The following MEPE variants were observed in gnomAD, a reference collection of about 807,000 sequenced individuals.
MEPE encodes matrix, extracellular phosphoglycoprotein with ASARM motif (bone).
In MEPE, 7 loss-of-function variants were observed where a neutral mutation model predicts 7.3. The ratio of observed to expected loss-of-function variants is 0.95; its 90% CI spans 0.54 to 1.79. The LOEUF (loss-of-function observed/expected upper bound fraction) is 1.79, where lower values mean the gene tolerates loss of function less well. MEPE is among the 40% of genes most tolerant of loss of function. The pLI is 0.00. For missense variants in MEPE, 623 were observed against 628.2 expected, an observed-to-expected ratio of 0.99 and a Z score of 0.09; for synonymous variants, 214 against 213.1, an observed-to-expected ratio of 1.00 and a Z score of -0.04.
chr4:87,825,930 G>A (rs994083087), intron 1 of MEPE, among the ~76,000 whole-genome samples: 6 of 152,086 alleles, frequency 3.9e-5, no homozygotes, highest in Non-Finnish European at 7.3e-5. Context: ...AAGTGAGAAC[G>A]TGCAGTATTT....
upstream of MEPE, among the ~76,000 whole-genome samples, chr4:87,828,949 G>A (rs150031890): frequency 1.3e-5 from 2 of 152,224 alleles, no homozygotes; most frequent in African/African-American, 2.4e-5. Context: ...GAGATGGTGT[G>A]AAGATACATA....
chr4:87,838,988 T>C (rs1166940315), intron 3 of MEPE, among the ~76,000 whole-genome samples: 2 of 152,186 alleles, frequency 1.3e-5, no homozygotes, highest in Non-Finnish European at 2.9e-5. Context: ...TTTGGGAACA[T>C]TGCTACTAGC....
At chr4:87,828,638 A>G (rs114994965), upstream of MEPE, among the ~76,000 whole-genome samples, 307 of 152,308 alleles carry the variant, frequency 2.0e-3, no homozygotes, top group African/African-American at 6.7e-3. Context: ...TGGAACTGAT[A>G]GTATAGGTTC....
At chr4:87,826,102 A>G (rs1722456645) in intron 1 of MEPE, among the ~76,000 whole-genome samples, 1 of 151,914 alleles carries the variant, frequency 6.6e-6, no homozygotes, top group South Asian at 2.1e-4. Flanking sequence ...GGGCATTTAT[A>G]TCATTTTCTT....
At chr4:87,843,589 G>A (rs1179298398) in intron 3 of MEPE, among the ~76,000 whole-genome samples, 1 of 152,082 alleles carries the variant, frequency 6.6e-6, no homozygotes, top group East Asian at 1.9e-4. Flanking sequence ...CTACAATTTG[G>A]GGGTGAAAAG....
chr4:87,840,091 C>T (rs1187775363), intron 3 of MEPE: 3 of 1,524,894 alleles, frequency 2.0e-6, no homozygotes, highest in East Asian at 4.9e-5. Context: ...TTCTGAGTAA[C>T]ATTTGGTGTT....
chr4:87,846,551 G>A lies in MEPE; in HGVS notation c.*105G>A, dbSNP rs1003908927. The A allele has an allele frequency of 7.7e-7, 1 of 1,297,070 alleles. No individual in the cohort carries two copies. Among genetic ancestry groups the A allele is most frequent in the Non-Finnish European group, 1.1e-6 (1 of 947,302 alleles). The allele number at this position is 1,297,070 out of a possible 1,614,324, so 80.3% of individuals were successfully genotyped here. ...GCTGACCAGGTGAAGAGAGGATAGA[G>A]TGAAGAACTGAGTGAGCCAAGAATC... is the stretch of plus-strand genomic sequence containing the variant. On this transcript the variant is annotated 3_prime_UTR_variant, in exon 4 of 4. Transcript: ENST00000361056.
At chr4:87,843,917 C>T (rs560810603) in intron 3 of MEPE, among the ~76,000 whole-genome samples, 1 of 152,242 alleles carries the variant, frequency 6.6e-6, no homozygotes, top group African/African-American at 2.4e-5. Context: ...GATAATGTTG[C>T]CTAACCACTT....
rs1037104156 is a variant in MEPE at position 87,846,576 on chromosome 4, C to T, written c.*130C>T. 1 of 1,020,918 alleles carries T rather than the reference C, an allele frequency of 9.8e-7. No homozygotes were observed. The highest frequency in any genetic ancestry group is 1.4e-6 in the Non-Finnish European group (1 of 708,006). 63.2% of individuals were successfully genotyped at this position (1,020,918 alleles called of 1,614,324 possible). ...GTGAAGAACTGAGTGAGCCAAGAAT[C>T]CTGGTCTCCTTGGGGGAATTTTTGC... On this transcript the variant is annotated 3_prime_UTR_variant, in exon 4 of 4. Transcript: ENST00000361056.
At chr4:87,844,018 T>G (rs1398870747) in intron 3 of MEPE, among the ~76,000 whole-genome samples, 1 of 152,190 alleles carries the variant, frequency 6.6e-6, no homozygotes, top group African/African-American at 2.4e-5. Context: ...AGGGCCATAG[T>G]GACTCAGCCT....
chr4:87,831,572 C>T (rs371851101), upstream of MEPE, among the ~76,000 whole-genome samples: 1 of 152,150 alleles, frequency 6.6e-6, no homozygotes, highest in Admixed American at 6.6e-5. Flanking sequence ...GGGATTATTA[C>T]AAGAGCTTCC....
intron 1 of MEPE, among the ~76,000 whole-genome samples, chr4:87,823,199 T>C (rs1184202751): frequency 6.6e-6 from 1 of 152,214 alleles, no homozygotes; most frequent in African/African-American, 2.4e-5. Flanking sequence ...CAATGGCTGC[T>C]CACCCACTGT....
intron 2 of MEPE, among the ~76,000 whole-genome samples, chr4:87,835,882 G>A (rs1009579194): frequency 3.3e-5 from 5 of 152,124 alleles, no homozygotes; most frequent in African/African-American, 1.2e-4. Context: ...CTGGAGTGGG[G>A]CTTTCTCATC....
At chr4:87,842,122 C>A (rs1028840539) in intron 3 of MEPE, among the ~76,000 whole-genome samples, 3 of 152,192 alleles carry the variant, frequency 2.0e-5, no homozygotes, top group African/African-American at 4.8e-5. Flanking sequence ...GGCAGTGAGA[C>A]AACTGATTCT....
chr4:87,825,701 T>C (rs1355725782), intron 1 of MEPE, among the ~76,000 whole-genome samples: 1 of 152,256 alleles, frequency 6.6e-6, no homozygotes, highest in Admixed American at 6.5e-5. Context: ...TATCTTTTTT[T>C]CTTCAACTTT....
rs184489754 is a variant in MEPE at position 87,833,222 on chromosome 4, T to C, written c.-13+208T>C. Among the ~76,000 whole-genome samples the C allele has an allele frequency of 1.5e-3, 222 of 152,294 alleles. 1 individual carries two copies. Among genetic ancestry groups the C allele is most frequent in the African/African-American group, 5.1e-3 (213 of 41,564 alleles). On this transcript the variant is annotated intron_variant, in intron 1 of 3. Transcript: ENST00000361056. ...TCATCAACTAAAATTGATGATTTGA[T>C]AGCAACTTTCTCTTTTTTTTTGTTA... is the stretch of plus-strand genomic sequence containing the variant.
chr4:87,835,207 T>C (rs60944451), intron 2 of MEPE, among the ~76,000 whole-genome samples: 35,722 of 152,188 alleles, frequency 0.23, 4,862 homozygotes, highest in East Asian at 0.43. Flanking sequence ...AGAACTCTTC[T>C]GTATTTCTTG....
intron 3 of MEPE, among the ~76,000 whole-genome samples, chr4:87,840,816 A>C (rs1407484994): frequency 6.6e-6 from 1 of 152,154 alleles, no homozygotes; most frequent in Non-Finnish European, 1.5e-5. Context: ...GTAGGATTTG[A>C]GCAAACAGAA....
upstream of MEPE, among the ~76,000 whole-genome samples, chr4:87,831,197 C>G (rs1419202512): frequency 6.6e-6 from 1 of 152,126 alleles, no homozygotes; most frequent in Non-Finnish European, 1.5e-5. Context: ...TTGGGCAAAA[C>G]AAGAGAGCAG....
Sources: allele counts gnomAD v4.1 joint callset (sites outside exome capture counted in the v4.1 genomes callset), GRCh38; gene constraint gnomAD v4.1.1; transcripts MANE v1.5; gene names NCBI Gene and HGNC (gene_info 2026-07-23, HGNC 2026-07-21).